The following KCNN2 variants were observed in gnomAD, a reference collection of about 807,000 sequenced individuals.
KCNN2 encodes the protein potassium calcium-activated channel subfamily N member 2, also known as small conductance calcium-activated potassium channel protein 2.
KCNN2 carries 24 observed loss-of-function variants against 55.5 expected under a neutral mutation model. That is an observed-to-expected ratio of 0.43 (90% CI 0.31 to 0.61). The LOEUF is 0.61. KCNN2 is among the 20% of genes least tolerant of loss of function. KCNN2 has a pLI of 0.08. For synonymous variants in KCNN2, 431 were observed against 336.1 expected, an observed-to-expected ratio of 1.28 and a Z score of -3.09; for missense variants, 754 against 853.6, an observed-to-expected ratio of 0.88 and a Z score of 1.45.
intron 1 of KCNN2, among the ~76,000 whole-genome samples, chr5:114,188,574 A>C (rs565243473): frequency 2.4e-4 from 37 of 152,318 alleles, no homozygotes; most frequent in African/African-American, 8.7e-4. Context: ...GAACATTCCG[A>C]GTTCATACAA....
At chr5:114,062,861 A>C (rs1750361164) in intron 1 of KCNN2, among the ~76,000 whole-genome samples, 1 of 152,220 alleles carries the variant, frequency 6.6e-6, no homozygotes, top group East Asian at 1.9e-4. Flanking sequence ...TTAGGATACT[A>C]ATTTGCTAGA....
intron 3 of KCNN2, among the ~76,000 whole-genome samples, chr5:114,425,388 ACCT>A (rs1264347633): frequency 1.3e-5 from 2 of 152,248 alleles, no homozygotes; most frequent in East Asian, 3.9e-4. Context: ...ATTTCTGGAC[ACCT>A]CCTACTACTT....
chr5:114,144,571 G>A (rs984012407), intron 1 of KCNN2, among the ~76,000 whole-genome samples: 13 of 151,984 alleles, frequency 8.6e-5, no homozygotes, highest in African/African-American at 2.4e-4. Flanking sequence ...GTAAGGCTAC[G>A]GGGAGCCAAA....
At chr5:114,301,576 T>C (rs1289971500) in intron 2 of KCNN2, among the ~76,000 whole-genome samples, 1 of 152,118 alleles carries the variant, frequency 6.6e-6, no homozygotes, top group African/African-American at 2.4e-5. Flanking sequence ...AGGTGGGAAC[T>C]GTTTCCAGCT....
chr5:114,447,566 G>C (rs752289419), intron 3 of KCNN2, among the ~76,000 whole-genome samples: 12 of 152,180 alleles, frequency 7.9e-5, no homozygotes, highest in Non-Finnish European at 1.8e-4. Context: ...TTGTAATTCT[G>C]ATCCTCGATG....
chr5:114,063,461 C>G (rs556439054), intron 1 of KCNN2, among the ~76,000 whole-genome samples: 25 of 152,246 alleles, frequency 1.6e-4, no homozygotes, highest in African/African-American at 6.0e-4. Context: ...TTCTGGGTCC[C>G]ACTCCCAGAG....
At chr5:114,086,422 T>C (rs1751017113) in intron 1 of KCNN2, among the ~76,000 whole-genome samples, 1 of 151,488 alleles carries the variant, frequency 6.6e-6, no homozygotes, top group South Asian at 2.1e-4. Context: ...TTTAAGTCCC[T>C]GTCTCACACG....
chr5:114,483,249 TGTA>T (rs1249685829), intron 5 of KCNN2, among the ~76,000 whole-genome samples: 1 of 150,114 alleles, frequency 6.7e-6, no homozygotes, highest in African/African-American at 2.4e-5. Context: ...CTAACAATAA[TGTA>T]GTAGTAGTGT....
intron 1 of KCNN2, among the ~76,000 whole-genome samples, chr5:114,188,770 T>G (rs1753389119): frequency 6.6e-6 from 1 of 152,142 alleles, no homozygotes; most frequent in African/African-American, 2.4e-5. Flanking sequence ...AAGTTCATCA[T>G]GTTGAAAATT....
intron 2 of KCNN2, among the ~76,000 whole-genome samples, chr5:114,368,848 A>G (rs1366473093): frequency 2.3e-5 from 3 of 133,304 alleles, no homozygotes; most frequent in Non-Finnish European, 3.2e-5. Context: ...GTTTATCCTC[A>G]GCAGCAGTAG....
At chr5:114,388,481 T>C (rs1758352104) in intron 2 of KCNN2, among the ~76,000 whole-genome samples, 1 of 152,188 alleles carries the variant, frequency 6.6e-6, no homozygotes, top group South Asian at 2.1e-4. Flanking sequence ...ACTATTGATG[T>C]CCCGCATTTT....
chr5:114,075,404 A>G (rs1428916266), intron 1 of KCNN2, among the ~76,000 whole-genome samples: 9 of 152,204 alleles, frequency 5.9e-5, no homozygotes. Context: ...ATAATTTGCT[A>G]AAAAATTTCC....
chr5:114,479,669 TAACA>T (rs1373975268), intron 5 of KCNN2, among the ~76,000 whole-genome samples: 4 of 152,116 alleles, frequency 2.6e-5, no homozygotes, highest in Admixed American at 6.6e-5. Context: ...ACTGAAATCA[TAACA>T]AACAGTCTCA....
intron 1 of KCNN2, among the ~76,000 whole-genome samples, chr5:114,089,887 A>C (rs904488856): frequency 1.3e-5 from 2 of 152,230 alleles, no homozygotes; most frequent in African/African-American, 2.4e-5. Flanking sequence ...TACTTCAAGT[A>C]CAAATCGAGG....
At chr5:114,343,507 T>C (rs36936) in intron 2 of KCNN2, among the ~76,000 whole-genome samples, 121,255 of 152,056 alleles carry the variant, frequency 0.8, 48,551 homozygotes, top group East Asian at 0.97. Context: ...GCAGGTAAGA[T>C]CCTCAAATTT....
rs112142368 is a variant in KCNN2 at position 114,238,578 on chromosome 5, A to T, written c.-185+17013A>T. Among the ~76,000 whole-genome samples, 832 of 151,704 alleles carry T rather than the reference A, an allele frequency of 5.5e-3. 5 individuals carry two copies. The highest frequency in any genetic ancestry group is 0.019 in the African/African-American group (789 of 41,306). Reference sequence around the variant, plus strand: ...GAGGCAGAGGTTGCAGTGAGCCAAGATCGCGGCACTGCACTCCAGTCTGGG... The same window carrying T: ...GAGGCAGAGGTTGCAGTGAGCCAAGTTCGCGGCACTGCACTCCAGTCTGGG... On this transcript the variant is annotated intron_variant, in intron 2 of 10. Transcript: ENST00000512097.
chr5:114,429,323 A>C (rs1187581168), intron 3 of KCNN2, among the ~76,000 whole-genome samples: 2 of 152,102 alleles, frequency 1.3e-5, no homozygotes, highest in Non-Finnish European at 2.9e-5. Flanking sequence ...AAAAGAATAG[A>C]AAGGATCAAT....
intron 2 of KCNN2, among the ~76,000 whole-genome samples, chr5:114,293,300 C>T (rs1035508248): frequency 4.6e-5 from 7 of 152,026 alleles, no homozygotes; most frequent in Admixed American, 1.3e-4. Context: ...CCAGTTTTTG[C>T]CCATTCAGTA....
chr5:114,447,681 A>G (rs187447925), intron 3 of KCNN2, among the ~76,000 whole-genome samples: 9 of 152,356 alleles, frequency 5.9e-5, no homozygotes, highest in Admixed American at 3.3e-4. Context: ...CTATGGGGAA[A>G]AAAAAAGTTT....
Sources: allele counts gnomAD v4.1 joint callset (sites outside exome capture counted in the v4.1 genomes callset), GRCh38; gene constraint gnomAD v4.1.1; transcripts MANE v1.5; gene names NCBI Gene and HGNC (gene_info 2026-07-23, HGNC 2026-07-21).